The following SAMD5 variants were observed in gnomAD, a reference collection of about 807,000 sequenced individuals.
SAMD5 encodes sterile alpha motif domain-containing protein 5.
Under a neutral mutation model 11.3 loss-of-function variants are expected in SAMD5, and 13 were observed. That is an observed-to-expected ratio of 1.15 (90% confidence interval 0.75 to 1.83). SAMD5 has a LOEUF of 1.83. SAMD5 is among the 40% of genes most tolerant of loss of function. The pLI is 0.00. For synonymous variants in SAMD5, 129 were observed against 111.3 expected, an observed-to-expected ratio of 1.16 and a Z score of -1.00; for missense variants, 255 against 239.1, an observed-to-expected ratio of 1.07 and a Z score of -0.44.
At chr6:147,563,421 CA>C (rs1788986593) in intron 1 of SAMD5, among the ~76,000 whole-genome samples, 1 of 152,148 alleles carries the variant, frequency 6.6e-6, no homozygotes, top group African/African-American at 2.4e-5. Context: ...CAAAGGAGAA[CA>C]AAATTGATTT....
chr6:147,914,438 T>C, the SAMD5 span, among the ~76,000 whole-genome samples: 1 of 152,124 alleles, frequency 6.6e-6, no homozygotes, highest in East Asian at 1.9e-4. Flanking sequence ...AAAAGAATTA[T>C]AGTAACTAAT....
the SAMD5 span, among the ~76,000 whole-genome samples, chr6:147,883,226 C>G: frequency 6.6e-6 from 1 of 152,128 alleles, no homozygotes; most frequent in Non-Finnish European, 1.5e-5. Context: ...CAGAGTCTAG[C>G]AGACACAAGG....
rs989433414 is a variant in SAMD5 at position 147,711,722 on chromosome 6, A to C, written c.163-25595A>C. On this transcript the variant is annotated intron_variant, in intron 1 of 1. Coordinates refer to the SAMD5 transcript ENST00000566741. The surrounding 1 kb of genome is among the most constrained non-coding windows in gnomAD (Gnocchi z 4.1). ...GTAATGAATTTCAGCTGAAGTATTA[A>C]GTTTGTGGTATCCAGAAACCGGGAA... 8.5e-5 allele frequency among the ~76,000 whole-genome samples: 13 copies of C among 152,212 alleles called. No homozygotes were observed. Among genetic ancestry groups the C allele is most frequent in the Non-Finnish European group, 1.5e-5 (1 of 68,038 alleles).
intron 1 of SAMD5, among the ~76,000 whole-genome samples, chr6:147,678,720 A>T (rs577791048): frequency 6.6e-6 from 1 of 152,346 alleles, no homozygotes; most frequent in East Asian, 1.9e-4. Context: ...ATGGGAGTTC[A>T]TGGAAGAGGG....
the SAMD5 span, among the ~76,000 whole-genome samples, chr6:147,926,158 G>T: frequency 6.6e-6 from 1 of 152,160 alleles, no homozygotes; most frequent in Non-Finnish European, 1.5e-5. Context: ...TCATGTGCAT[G>T]TATCTTTATA....
At chr6:147,705,970 C>T (rs1791319659) in intron 1 of SAMD5, among the ~76,000 whole-genome samples, 1 of 152,062 alleles carries the variant, frequency 6.6e-6, no homozygotes, top group Non-Finnish European at 1.5e-5. Context: ...CCAGAGAAAC[C>T]AGAAAGATGA....
At chr6:147,752,176 G>T in the SAMD5 span, among the ~76,000 whole-genome samples, 2 of 152,086 alleles carry the variant, frequency 1.3e-5, no homozygotes, top group Admixed American at 1.3e-4. Flanking sequence ...CTTGAAGTCT[G>T]AATTTATAAT....
At chr6:147,838,505 AACAC>A in the SAMD5 span, among the ~76,000 whole-genome samples, 1 of 151,426 alleles carries the variant, frequency 6.6e-6, no homozygotes, top group Non-Finnish European at 1.5e-5. Flanking sequence ...TATTGCCTAA[AACAC>A]ACTAGGAACT....
chr6:147,728,210 G>A (rs1229254269), intron 1 of SAMD5, among the ~76,000 whole-genome samples: 1 of 152,146 alleles, frequency 6.6e-6, no homozygotes, highest in Non-Finnish European at 1.5e-5. Flanking sequence ...CAAATTGCTT[G>A]AGGTCAGGAG....
chr6:147,681,332 A>G lies in SAMD5; in HGVS notation c.163-55985A>G, dbSNP rs538538161. ...AACTAATCTGCTGTTAGTTGCATCC[A>G]GTATGTTTTTTTCATCTCAGGCACC... On this transcript the variant is annotated intron_variant, in intron 1 of 1. Coordinates refer to the SAMD5 transcript ENST00000566741. Among the ~76,000 whole-genome samples the G allele has an allele frequency of 5.3e-5, 8 of 152,102 alleles. No individual in the cohort carries two copies. In the South Asian group the frequency reaches 1.7e-3, roughly 32 times the overall value.
rs963535026 is a variant in SAMD5 at position 147,685,880 on chromosome 6, C to T, written c.163-51437C>T. Among the ~76,000 whole-genome samples the T allele has an allele frequency of 2.6e-5, 4 of 152,134 alleles. No individual in the cohort carries two copies. In the East Asian group the frequency reaches 5.8e-4, roughly 22 times the overall value. ...AATCAATGACAGACTTTGAAAGAAG[C>T]GATGTCATAGGTCACTGATCCTGAT... On this transcript the variant is annotated intron_variant, in intron 1 of 1. Transcript: ENST00000566741.
intron 1 of SAMD5, among the ~76,000 whole-genome samples, chr6:147,533,169 G>A (rs1788455986): frequency 6.6e-6 from 1 of 152,118 alleles, no homozygotes; most frequent in Admixed American, 6.5e-5. Context: ...AAGCCCCGGG[G>A]CAGGTCCAGG....
Position 147,509,145 on chromosome 6 carries a change from T to C in SAMD5, c.217T>C (p.Tyr73His). 6.6e-7 allele frequency: 1 copy of C among 1,509,340 alleles called. No individual in the cohort carries two copies. Among genetic ancestry groups the C allele is most frequent in the Non-Finnish European group, 8.8e-7 (1 of 1,130,580 alleles). 93.5% of individuals were successfully genotyped at this position (1,509,340 alleles called of 1,614,324 possible). A position where few individuals can be genotyped will look rare whatever the true frequency, so the allele number is the denominator to read the frequency against. Residue 73 changes from tyrosine to histidine, a missense_variant, in exon 1 of 2, where the codon TAC becomes CAC. Physicochemically the swap from Tyr to His is moderately conservative, Grantham distance 83. Transcript: ENST00000367474. ...REQDANAAGL[Y>H]FTLEPQPAPP... is the part of the protein sequence containing the mutation. ...GCAGGACGCCAACGCCGCCGGCCTCTACTTCACGCTTGAGCCGCAGCCGGC... is the reference window on the plus strand; with the variant it reads ...GCAGGACGCCAACGCCGCCGGCCTCCACTTCACGCTTGAGCCGCAGCCGGC...
chr6:147,840,861 C>G, the SAMD5 span, among the ~76,000 whole-genome samples: 1 of 152,098 alleles, frequency 6.6e-6, no homozygotes, highest in East Asian at 1.9e-4. Flanking sequence ...TGGAGATGAA[C>G]AGAAGCAGAC....
chr6:147,912,822 A>C, the SAMD5 span, among the ~76,000 whole-genome samples: 1 of 152,170 alleles, frequency 6.6e-6, no homozygotes, highest in Non-Finnish European at 1.5e-5. Flanking sequence ...AGTGACATCC[A>C]AAAGAACATA....
intron 1 of SAMD5, among the ~76,000 whole-genome samples, chr6:147,722,091 T>C (rs1344588072): frequency 6.6e-6 from 1 of 152,200 alleles, no homozygotes; most frequent in African/African-American, 2.4e-5. Context: ...TTTTACAACA[T>C]TGTGTCTTGG....
the SAMD5 span, among the ~76,000 whole-genome samples, chr6:147,781,245 T>A: frequency 1.3e-5 from 2 of 150,406 alleles, no homozygotes; most frequent in African/African-American, 2.4e-5. Flanking sequence ...AGTCTCCACC[T>A]CTCAGACTCA....
At chr6:147,782,508 G>A in the SAMD5 span, among the ~76,000 whole-genome samples, 1 of 152,148 alleles carries the variant, frequency 6.6e-6, no homozygotes, top group African/African-American at 2.4e-5. Context: ...TTTTAATTCA[G>A]CCATGACATC....
At chr6:147,779,723 G>A in the SAMD5 span, among the ~76,000 whole-genome samples, 1 of 152,198 alleles carries the variant, frequency 6.6e-6, no homozygotes, top group Non-Finnish European at 1.5e-5. Context: ...TCCTCCTGGA[G>A]AGATAGCACT....
Sources: allele counts gnomAD v4.1 joint callset (sites outside exome capture counted in the v4.1 genomes callset), GRCh38; gene constraint gnomAD v4.1.1; non-coding constraint Gnocchi (gnomAD v3.1); transcripts MANE v1.5; gene names NCBI Gene and HGNC (gene_info 2026-07-23, HGNC 2026-07-21).